The following ZDHHC11B variants were observed in gnomAD, a reference collection of about 807,000 sequenced individuals.
ZDHHC11B encodes the protein zDHHC palmitoyltransferase 11B (putative), also known as probable palmitoyltransferase ZDHHC11B.
A neutral mutation model predicts 42.3 loss-of-function variants in ZDHHC11B; 17 were observed. The ratio of observed to expected loss-of-function variants is 0.40; its 90% CI spans 0.27 to 0.60. ZDHHC11B has a LOEUF of 0.60. Among genes scored for constraint, ZDHHC11B ranks in the 20% least tolerant of loss-of-function variants. ZDHHC11B has a pLI of 0.41. For missense variants in ZDHHC11B, 262 were observed against 463.2 expected (o/e 0.57, Z 3.99); for synonymous variants, 123 against 193.5 (o/e 0.64, Z 3.02).
At position 749,337 on chromosome 5, in the gene ZDHHC11B, G is replaced by A. The variant is rs1214992490; in HGVS notation, c.629-778C>T. 1.5e-5 allele frequency among the ~76,000 whole-genome samples: 2 copies of A among 130,656 alleles called. 1 individual carries two copies. 85.7% of individuals were successfully genotyped at this position (130,656 alleles called of 152,430 possible). ...AACACTTCCAAAAATCAGGCGTAATGCAGAATGGCAGAGGGCCAGGCAAGG... is the reference window on the plus strand; with the variant it reads ...AACACTTCCAAAAATCAGGCGTAATACAGAATGGCAGAGGGCCAGGCAAGG... On this transcript the variant is annotated intron_variant, in intron 7 of 13. Transcript: ENST00000508859.
chr5:710,573 C>CTGTGCTGCCATTTCACAGTACTG lies in ZDHHC11B; in HGVS notation c.*1716_*1717insCAGTACTGTGAAATGGCAGCACA, dbSNP rs1741280747. On this transcript the variant is annotated 3_prime_UTR_variant, in exon 14 of 14. Transcript: ENST00000508859. ...AGTACTATGCTCCCATTTCCCAGTA[C>CTGTGCTGCCATTTCACAGTACTG]TGTGCTCCCATTTCACAGTACTGTG... 9.2e-5 allele frequency: 8 copies of CTGTGCTGCCATTTCACAGTACTG among 86,970 alleles called. No homozygotes were observed. The highest frequency in any genetic ancestry group is 3.1e-4 in the African/African-American group (8 of 26,126). The allele number at this position is 86,970 out of a possible 1,614,324, so 5.4% of individuals were successfully genotyped here.
chr5:717,550 T>G (rs1741847933), intron 12 of ZDHHC11B, among the ~76,000 whole-genome samples: 2 of 151,764 alleles, frequency 1.3e-5, no homozygotes, highest in African/African-American at 4.9e-5. Flanking sequence ...GACTTCTAAA[T>G]CAAAACAGCG....
intron 1 of ZDHHC11B, among the ~76,000 whole-genome samples, chr5:774,888 G>A (rs1476305033): frequency 1.3e-5 from 2 of 151,952 alleles, no homozygotes; most frequent in African/African-American, 2.4e-5. Context: ...CACTGCCCAC[G>A]CCCACGCGGG....
In ZDHHC11B at chr5:766,996, C is replaced by T. The variant is rs753786464; in HGVS notation, c.1-77G>A. ...GCCCCACCCACTGTCAGGGAGACCA[C>T]GGGGACTGGGAACATGGCCCCCAGG... is the stretch of plus-strand genomic sequence containing the variant. On this transcript the variant is annotated intron_variant, in intron 3 of 13. Transcript: ENST00000508859. 59 of 1,511,842 alleles carry T rather than the reference C, an allele frequency of 3.9e-5. 1 individual carries two copies. The highest frequency in any genetic ancestry group is 6.8e-5 in the African/African-American group (5 of 73,612). The allele number at this position is 1,511,842 out of a possible 1,614,324, so 93.7% of individuals were successfully genotyped here. A position where few individuals can be genotyped will look rare whatever the true frequency, so the allele number is the denominator to read the frequency against.
intron 11 of ZDHHC11B, among the ~76,000 whole-genome samples, chr5:731,434 C>A (rs1353920889): frequency 6.7e-6 from 1 of 149,742 alleles, no homozygotes; most frequent in Non-Finnish European, 1.5e-5. Context: ...GCAGCAGTAT[C>A]TTATTGTGAT....
At chr5:746,928 C>T (rs532625221) in intron 8 of ZDHHC11B, among the ~76,000 whole-genome samples, 4 of 124,540 alleles carry the variant, frequency 3.2e-5, no homozygotes, top group Admixed American at 9.4e-5. Flanking sequence ...CAACCTCGGC[C>T]GATTCTCCTG....
intron 9 of ZDHHC11B, among the ~76,000 whole-genome samples, chr5:744,000 A>G (rs1020867330): frequency 1.3e-5 from 2 of 149,830 alleles, no homozygotes; most frequent in Non-Finnish European, 3.0e-5. Context: ...GTGCTTTCCT[A>G]TCATTCCTAG....
At chr5:715,493 ACTT>A (rs892379559) in intron 13 of ZDHHC11B, among the ~76,000 whole-genome samples, 42 of 149,944 alleles carry the variant, frequency 2.8e-4, no homozygotes, top group African/African-American at 9.2e-4. Context: ...GCACCAATTT[ACTT>A]CTTCTTTCCT....
intron 12 of ZDHHC11B, among the ~76,000 whole-genome samples, chr5:729,391 G>A (rs1273643395): frequency 2.6e-5 from 4 of 151,136 alleles, no homozygotes; most frequent in African/African-American, 9.7e-5. Flanking sequence ...AGAGAGCACG[G>A]GGCTGTTCTG....
rs1745579374 is a variant in ZDHHC11B at position 751,117 on chromosome 5, AGCG to A, written c.628+13_628+15del. 2 of 1,254,772 alleles carry A rather than the reference AGCG, an allele frequency of 1.6e-6. No individual in the cohort carries two copies. Among genetic ancestry groups the A allele is most frequent in the Non-Finnish European group, 1.1e-6 (1 of 944,550 alleles). The allele number at this position is 1,254,772 out of a possible 1,614,324, so 77.7% of individuals were successfully genotyped here. The stretch of plus-strand genomic sequence containing the variant: ...GGAGGCGAGGATGAGGCCCCTTGAG[AGCG>A]GCGGCCACGTACCTTCATACCTGGG... On this transcript the variant is annotated intron_variant, in intron 7 of 13. Transcript: ENST00000508859.
chr5:759,614 A>G (rs1734320468), intron 4 of ZDHHC11B, among the ~76,000 whole-genome samples: 1 of 147,650 alleles, frequency 6.8e-6, no homozygotes, highest in Non-Finnish European at 1.5e-5. Flanking sequence ...TTCCCTTTGC[A>G]GAAGAACAGA....
intron 12 of ZDHHC11B, among the ~76,000 whole-genome samples, chr5:720,769 A>G (rs1221718346): frequency 6.6e-6 from 1 of 151,588 alleles, no homozygotes; most frequent in East Asian, 1.9e-4. Flanking sequence ...ATGGCAATAT[A>G]AAGGGTGAGG....
chr5:720,441 G>A (rs1272425278), intron 12 of ZDHHC11B, among the ~76,000 whole-genome samples: 1 of 151,780 alleles, frequency 6.6e-6, no homozygotes, highest in Non-Finnish European at 1.5e-5. Context: ...TATCCTTCCA[G>A]AATAAAGCAA....
Position 733,818 on chromosome 5 carries a change from C to G in ZDHHC11B, c.957G>C (p.Leu319=). The change falls in exon 11 of 14, where the codon CTG becomes CTC. Residue 319 remains leucine (L), a synonymous_variant. Coordinates refer to ENST00000508859, the MANE Select transcript of ZDHHC11B (RefSeq NM_001351303.2). ...SAQGVKAKSS[L]LIYKCPCHFC... ...AGTGACATGGGCATTTGTAAATCAG[C>G]AGGGAGCTCTTGGCCTTGACTCTGG... 6.2e-7 allele frequency: 1 copy of G among 1,608,582 alleles called. No individual in the cohort carries two copies. Among genetic ancestry groups the G allele is most frequent in the African/African-American group, 1.4e-5 (1 of 72,802 alleles).
At chr5:721,610 C>T (rs1347168492) in intron 12 of ZDHHC11B, among the ~76,000 whole-genome samples, 4 of 151,432 alleles carry the variant, frequency 2.6e-5, no homozygotes, top group African/African-American at 9.8e-5. Flanking sequence ...GCTAAGTGTC[C>T]ATATATGGAA....
At chr5:766,961 G>C (rs762947046) in intron 3 of ZDHHC11B, 42 bp from the exon 4 acceptor site, 2 of 1,595,924 alleles carry the variant, frequency 1.3e-6, no homozygotes, top group Non-Finnish European at 1.7e-6. Flanking sequence ...ATCAGCTCCG[G>C]GGAGGGCCGG....
intron 12 of ZDHHC11B, among the ~76,000 whole-genome samples, chr5:727,909 C>G (rs1742713376): frequency 6.6e-6 from 1 of 151,790 alleles, no homozygotes; most frequent in Non-Finnish European, 1.5e-5. Context: ...TAAAGCAAGA[C>G]AGGAACATTT....
intron 1 of ZDHHC11B, among the ~76,000 whole-genome samples, chr5:771,234 T>C (rs1736003161): frequency 6.6e-6 from 1 of 151,784 alleles, no homozygotes; most frequent in Non-Finnish European, 1.5e-5. Flanking sequence ...GGCTCTGTCA[T>C]CGTGGGGGTC....
At chr5:742,499 C>T (rs1579307116) in intron 9 of ZDHHC11B, among the ~76,000 whole-genome samples, 1 of 118,964 alleles carries the variant, frequency 8.4e-6, no homozygotes. Flanking sequence ...ACTGTTTTTT[C>T]ACAAATTGAG....
Sources: gnomAD v4.1 joint callset for allele counts (sites outside exome capture counted in the v4.1 genomes callset) on GRCh38, gnomAD v4.1.1 for gene constraint, MANE v1.5 for transcripts, NCBI Gene and HGNC (gene_info 2026-07-23, HGNC 2026-07-21) for gene names.